SEC14L5: variants seen among roughly 807,000 people sequenced by gnomAD.
The protein encoded by SEC14L5 is SEC14 like lipid binding 5.
A neutral mutation model predicts 84.6 loss-of-function variants in SEC14L5; 96 were observed. The observed-to-expected ratio is 1.13, with a 90% CI of 0.96 to 1.34. SEC14L5 has a LOEUF of 1.34. SEC14L5 is among the 40% of genes most tolerant of loss of function. The probability of loss-of-function intolerance (pLI) is 0.00; values close to 1 mark genes in which losing one functional copy is unlikely to be tolerated. For synonymous variants in SEC14L5, 546 were observed against 383.4 expected, an observed-to-expected ratio of 1.42 and a Z score of -4.95; for missense variants, 1,224 against 942.5, an observed-to-expected ratio of 1.30 and a Z score of -3.91.
chr16:4,979,065 A>G (rs1955386850), intron 2 of SEC14L5, among the ~76,000 whole-genome samples: 1 of 152,164 alleles, frequency 6.6e-6, no homozygotes, highest in African/African-American at 2.4e-5. Flanking sequence ...CAGGAAGGGG[A>G]TCTTCAGGCA....
intron 2 of SEC14L5, among the ~76,000 whole-genome samples, chr16:4,975,790 G>C (rs1358494857): frequency 6.6e-6 from 1 of 152,168 alleles, no homozygotes; most frequent in African/African-American, 2.4e-5. Context: ...GGGGTTGATA[G>C]GGAGACTCCT....
chr16:4,978,766 C>T (rs1268641387), intron 2 of SEC14L5, among the ~76,000 whole-genome samples: 2 of 146,826 alleles, frequency 1.4e-5, no homozygotes, highest in Non-Finnish European at 3.0e-5. Context: ...CCACGCTCGG[C>T]TAATCTTTTG....
intron 8 of SEC14L5, among the ~76,000 whole-genome samples, chr16:4,999,711 C>G (rs1439072469): frequency 2.0e-5 from 3 of 151,906 alleles, no homozygotes; most frequent in Non-Finnish European, 4.4e-5. Context: ...GCCAGGGGTT[C>G]GAGACCAGCC....
At chr16:4,958,628 A>G (rs888026861) in intron 1 of SEC14L5, among the ~76,000 whole-genome samples, 183 bp downstream of exon 1, 1 of 152,042 alleles carries the variant, frequency 6.6e-6, no homozygotes, top group African/African-American at 2.4e-5. Context: ...GTGTGTGTGC[A>G]TGTGCGCACG....
rs201829301 is a variant in SEC14L5, at chr16:4,996,363, C to T, written c.683C>T (p.Ala228Val). ...AVSMDGDKLD[A>V]DYIERCLGHL... Reference sequence around the variant, plus strand: ...CTCCTCCAAGGGGACAAGCTGGATGCGGACTACATTGAGAGGTGCCTGGGC... The same window carrying T: ...CTCCTCCAAGGGGACAAGCTGGATGTGGACTACATTGAGAGGTGCCTGGGC... Residue 228 changes from alanine to valine, a missense_variant, in exon 7 of 16, where the codon GCG becomes GTG. Coordinates refer to ENST00000251170, the MANE Select transcript of SEC14L5 (RefSeq NM_014692.2). 64 of 1,557,344 alleles carry T rather than the reference C, an allele frequency of 4.1e-5. No individual in the cohort carries two copies. The highest frequency in any genetic ancestry group is 2.9e-4 in the East Asian group (12 of 41,342).
Position 5,000,911 on chromosome 16 carries a change from G to C in SEC14L5, c.1116G>C (p.Leu372=). ...QKRCEGSTRQ[L]GRPISSWTCL... The stretch of plus-strand genomic sequence containing the variant: ...GGTGTGAGGGGAGCACAAGGCAGCT[G>C]GGCCGTCCCATCAGGCAAACACCTG... The change falls in exon 10 of 16, where the codon CTG becomes CTC. Residue 372 remains leucine, a synonymous_variant. Coordinates refer to ENST00000251170, the MANE Select transcript of SEC14L5 (RefSeq NM_014692.2). The C allele has an allele frequency of 6.2e-7, 1 of 1,607,502 alleles. No individual in the cohort carries two copies. The highest frequency in any genetic ancestry group is 8.5e-7 in the Non-Finnish European group (1 of 1,177,206).
chr16:5,007,252 A>G (rs1955741733), intron 12 of SEC14L5, 100 bp from the exon 13 acceptor site: 5 of 1,126,082 alleles, frequency 4.4e-6, no homozygotes, highest in African/African-American at 1.5e-5. Flanking sequence ...AGGGGTTGCA[A>G]TTATGAGTGG....
At chr16:4,971,566 T>C (rs1182282238) in intron 2 of SEC14L5, among the ~76,000 whole-genome samples, 2 of 152,250 alleles carry the variant, frequency 1.3e-5, no homozygotes, top group Non-Finnish European at 2.9e-5. Context: ...GGATAAACCC[T>C]GTTCTGACAA....
intron 14 of SEC14L5, among the ~76,000 whole-genome samples, chr16:5,009,053 A>G (rs1240170616): frequency 6.6e-6 from 1 of 152,208 alleles, no homozygotes; most frequent in African/African-American, 2.4e-5. Flanking sequence ...TCAGGAGTTC[A>G]CAAGTCCAAA....
At position 5,015,112 on chromosome 16, in the gene SEC14L5, C is replaced by T. The variant is rs975838805; in HGVS notation, c.*142C>T. ...GCTGCCCAAGTTGGGGTGTCTGGAG[C>T]GGATGGCAAGGATCCAGAACTGGCC... On this transcript the variant is annotated 3_prime_UTR_variant, in exon 16 of 16. Transcript: ENST00000251170. 162 of 651,528 alleles carry T rather than the reference C, an allele frequency of 2.5e-4. 1 individual carries two copies. The highest frequency in any genetic ancestry group is 3.4e-4 in the Admixed American group (12 of 35,048). 40.4% of individuals were successfully genotyped at this position (651,528 alleles called of 1,614,324 possible).
At chr16:4,994,385 C>G (rs1008249744) in intron 6 of SEC14L5, among the ~76,000 whole-genome samples, 1 of 152,000 alleles carries the variant, frequency 6.6e-6, no homozygotes, top group Non-Finnish European at 1.5e-5. Flanking sequence ...TATCTGTCAC[C>G]CAGGCTGGAG....
chr16:4,960,796 G>C (rs1448914871), intron 2 of SEC14L5: 1 of 152,206 alleles, frequency 6.6e-6, no homozygotes, highest in African/African-American at 2.4e-5. Context: ...GGCTGACGCA[G>C]ATCAAATGCT....
chr16:4,985,898 G>C (rs1034870376), intron 2 of SEC14L5, among the ~76,000 whole-genome samples: 3 of 151,766 alleles, frequency 2.0e-5, no homozygotes, highest in African/African-American at 7.3e-5. Context: ...TTGTTGAATA[G>C]CCTGATGTTG....
chr16:5,005,489 A>G (rs1955720287), intron 11 of SEC14L5, among the ~76,000 whole-genome samples: 1 of 152,052 alleles, frequency 6.6e-6, no homozygotes, highest in Non-Finnish European at 1.5e-5. Flanking sequence ...TGCACAAGCT[A>G]GTGAGTGCAC....
rs141520051 is a variant in SEC14L5 at position 4,993,834 on chromosome 16, C to T, written c.667+1804C>T. Among the ~76,000 whole-genome samples the T allele has an allele frequency of 1.9e-3, 290 of 152,252 alleles. 2 individuals are homozygous for T. Among genetic ancestry groups the T allele is most frequent in the African/African-American group, 6.5e-3 (271 of 41,544 alleles). On this transcript the variant is annotated intron_variant, in intron 6 of 15. Transcript: ENST00000251170. ...GCATCTATTCCTGACTTCACTCCAG[C>T]TCCCCACAAAAGTCTTAGTAAACAT...
At chr16:4,977,018 G>A (rs549241523) in intron 2 of SEC14L5, among the ~76,000 whole-genome samples, 1 of 152,332 alleles carries the variant, frequency 6.6e-6, no homozygotes, top group Admixed American at 6.5e-5. Context: ...GGTATGAAAG[G>A]CACAGGGGCT....
In SEC14L5 at chr16:4,978,890, T is replaced by C. The variant is rs558753115; in HGVS notation, c.64-8667T>C. On this transcript the variant is annotated intron_variant, in intron 2 of 15. Transcript: ENST00000251170. ...TGCTGGGATTACAGGCGTGAGCCACTGCACCTGGTTAATTTTCTTATTTTA... is the reference window on the plus strand; with the variant it reads ...TGCTGGGATTACAGGCGTGAGCCACCGCACCTGGTTAATTTTCTTATTTTA... Among the ~76,000 whole-genome samples, 62 of 152,300 alleles carry C rather than the reference T, an allele frequency of 4.1e-4. 1 individual carries two copies. The highest frequency in any genetic ancestry group is 2.1e-4 in the South Asian group (1 of 4,826).
chr16:4,987,767 TG>T, intron 3 of SEC14L5, 61 bp downstream of exon 3: 1 of 1,104,912 alleles, frequency 9.1e-7, no homozygotes, highest in Non-Finnish European at 1.2e-6. Flanking sequence ...GCGGGAGGGC[TG>T]GGCGCGGGAG....
chr16:4,991,565 C>G (rs1288064990), intron 5 of SEC14L5, among the ~76,000 whole-genome samples: 1 of 151,098 alleles, frequency 6.6e-6, no homozygotes, highest in Non-Finnish European at 1.5e-5. Context: ...GACACTGTCT[C>G]AAAAAAAATA....
Sources: allele counts gnomAD v4.1 joint callset (sites outside exome capture counted in the v4.1 genomes callset), GRCh38; gene constraint gnomAD v4.1.1; transcripts MANE v1.5; gene names NCBI Gene and HGNC (gene_info 2026-07-23, HGNC 2026-07-21).